Variants in MAST4 observed in about 807,000 individuals in gnomAD.
MAST4 encodes the protein microtubule-associated serine/threonine-protein kinase 4.
In MAST4, 89 loss-of-function variants were observed where a neutral mutation model predicts 162.7. That is an observed-to-expected ratio of 0.55 (90% confidence interval 0.46 to 0.65). MAST4 has a LOEUF of 0.65. MAST4 is among the 30% of genes least tolerant of loss of function. The probability of loss-of-function intolerance (pLI) is 0.00; values close to 1 mark genes in which losing one functional copy is unlikely to be tolerated. For missense variants in MAST4, 3,153 were observed against 3,374.0 expected (o/e 0.93, Z 1.62); for synonymous variants, 1,479 against 1,361.1 (o/e 1.09, Z -1.91).
At chr5:66,973,453 G>T (rs555881741) in intron 4 of MAST4, among the ~76,000 whole-genome samples, 1 of 152,212 alleles carries the variant, frequency 6.6e-6, no homozygotes, top group Admixed American at 6.5e-5. Flanking sequence ...CAGTTTATCT[G>T]ATGGCTTTGT....
At chr5:66,995,000 T>C (rs1750472769) in intron 4 of MAST4, among the ~76,000 whole-genome samples, 1 of 152,150 alleles carries the variant, frequency 6.6e-6, no homozygotes, top group African/African-American at 2.4e-5. Flanking sequence ...TAATGACACA[T>C]ATATTCAAAC....
At chr5:66,918,203 G>A (rs1764243791) in intron 4 of MAST4, among the ~76,000 whole-genome samples, 1 of 152,068 alleles carries the variant, frequency 6.6e-6, no homozygotes, top group Admixed American at 6.5e-5. Flanking sequence ...AAAGCTTAAG[G>A]GGTTAAAGTT....
intron 4 of MAST4, among the ~76,000 whole-genome samples, chr5:67,042,981 T>C (rs1048983099): frequency 2.0e-5 from 3 of 152,218 alleles, no homozygotes; most frequent in African/African-American, 7.2e-5. Context: ...AAAAGCCAAA[T>C]GCTGTAGAGC....
chr5:67,061,011 A>T (rs184226495), intron 5 of MAST4, among the ~76,000 whole-genome samples: 1 of 152,322 alleles, frequency 6.6e-6, no homozygotes, highest in Non-Finnish European at 1.5e-5. Context: ...TAAAAGTGTG[A>T]GTTTCTGATT....
intron 5 of MAST4, among the ~76,000 whole-genome samples, chr5:67,063,533 T>C (rs536830927): frequency 6.6e-6 from 1 of 152,200 alleles, no homozygotes; most frequent in African/African-American, 2.4e-5. Flanking sequence ...GATTTAGATT[T>C]TTATTCTCTC....
intron 1 of MAST4, among the ~76,000 whole-genome samples, chr5:66,651,215 G>C (rs1181826414): frequency 6.6e-6 from 1 of 151,784 alleles, no homozygotes; most frequent in Non-Finnish European, 1.5e-5. Flanking sequence ...CTCATACAGT[G>C]TAATAGCTGC....
chr5:66,917,007 C>G, intron 4 of MAST4: 1 of 718,066 alleles, frequency 1.4e-6, no homozygotes, highest in African/African-American at 1.7e-5. Context: ...AGTGGAATTG[C>G]TTGGTCAAAC....
chr5:66,770,466 A>G (rs966223833), intron 2 of MAST4, among the ~76,000 whole-genome samples: 18 of 152,250 alleles, frequency 1.2e-4, no homozygotes, highest in Admixed American at 9.2e-4. Context: ...TCTACCGATG[A>G]GTCATTGCCC....
At chr5:66,714,142 C>T (rs377476636) in intron 1 of MAST4, among the ~76,000 whole-genome samples, 2 of 152,244 alleles carry the variant, frequency 1.3e-5, no homozygotes, top group African/African-American at 4.8e-5. Context: ...TAAACTGCCT[C>T]TCTCTGGCTA....
At chr5:67,116,180 TTTTGTTTGTTTG>T (rs57544655) in intron 12 of MAST4, among the ~76,000 whole-genome samples, 1 of 150,644 alleles carries the variant, frequency 6.6e-6, no homozygotes, top group Non-Finnish European at 1.5e-5. Context: ...CTAAGGCTAG[TTTTGTTTGTTTG>T]TTTGTTTGTT....
intron 1 of MAST4, among the ~76,000 whole-genome samples, chr5:66,682,574 G>T (rs1720556796): frequency 6.6e-6 from 1 of 152,186 alleles, no homozygotes; most frequent in Non-Finnish European, 1.5e-5. Context: ...CCTTAGAACT[G>T]TTATGTTAGA....
At chr5:66,637,736 T>C (rs546434906) in intron 1 of MAST4, among the ~76,000 whole-genome samples, 21 of 152,254 alleles carry the variant, frequency 1.4e-4, no homozygotes, top group African/African-American at 4.8e-4. Flanking sequence ...GACAGGGTCT[T>C]ACTCTGCCTC....
intron 4 of MAST4, among the ~76,000 whole-genome samples, chr5:66,964,547 A>T (rs1352005234): frequency 6.6e-6 from 1 of 152,022 alleles, no homozygotes; most frequent in African/African-American, 2.4e-5. Context: ...CATGCCTGTA[A>T]TCCCAGCACT....
chr5:67,133,468 C>A (rs761267102), intron 16 of MAST4, 46 bp from the exon 17 acceptor site: 2 of 1,592,614 alleles, frequency 1.3e-6, no homozygotes, highest in Non-Finnish European at 1.7e-6. Context: ...AATAGATAAC[C>A]AGCTTATAAA....
intron 1 of MAST4, among the ~76,000 whole-genome samples, chr5:66,646,264 G>A (rs1381629644): frequency 6.6e-6 from 1 of 152,048 alleles, no homozygotes; most frequent in Non-Finnish European, 1.5e-5. Context: ...ATGTTTTATG[G>A]TAAATCATTT....
intron 1 of MAST4, among the ~76,000 whole-genome samples, chr5:66,648,493 G>A (rs758699112): frequency 2.6e-4 from 40 of 152,108 alleles, no homozygotes; most frequent in Non-Finnish European, 5.0e-4. Flanking sequence ...AGCAGAGAAA[G>A]ACAGTAATGG....
rs566331055 is a variant in MAST4, at chr5:66,664,362, G to T, written c.363+67344G>T. Among the ~76,000 whole-genome samples, 9 of 149,452 alleles carry T rather than the reference G, an allele frequency of 6.0e-5. No homozygotes were observed. In the East Asian group the frequency reaches 1.4e-3, roughly 23 times the overall value. ...AGGTAGGAGAATCGCTTGAACCCGG[G>T]CGACGGAGGTTGCAGTGAGCTGAGA... On this transcript the variant is annotated intron_variant, in intron 1 of 28. Transcript: ENST00000403625.
chr5:67,163,255 G>A lies in MAST4; in HGVS notation c.4076G>A (p.Gly1359Asp). 6.2e-7 allele frequency: 1 copy of A among 1,613,544 alleles called. No individual in the cohort carries two copies. Among genetic ancestry groups the A allele is most frequent in the Non-Finnish European group, 8.5e-7 (1 of 1,179,888 alleles). The change falls in exon 29 of 29, where the codon GGC becomes GAC. Residue 1359 changes from glycine (G) to aspartate (D), a missense_variant. Physicochemically the swap from Gly to Asp is moderately conservative, Grantham distance 94. Transcript: ENST00000403625. This position sits in a 1 kb window ranked among gnomAD's most constrained non-coding sequence, Gnocchi z 7.0. ...STLHGLAPKL[G>D]GQRYRSGRRK... is the part of the protein sequence containing the mutation. Reference sequence around the variant, plus strand: ...CTCCACGGTCTTGCACCCAAACTCGGCGGGCAGCGGTACCGGTCCGGAAGG... The same window carrying A: ...CTCCACGGTCTTGCACCCAAACTCGACGGGCAGCGGTACCGGTCCGGAAGG...
At position 66,996,351 on chromosome 5, in the gene MAST4, CTT is replaced by C. The variant is rs547524662; in HGVS notation, c.675-58052_675-58051del. ...TCGTATATAACCATATATATAATAT[CTT>C]AATGTAGATCATAGAACTTCATTTT... On this transcript the variant is annotated intron_variant, in intron 4 of 28. Coordinates refer to ENST00000403625, the MANE Select transcript of MAST4 (RefSeq NM_001164664.2). Among the ~76,000 whole-genome samples, 35 of 152,132 alleles carry C rather than the reference CTT, an allele frequency of 2.3e-4. No individual in the cohort carries two copies. In the South Asian group the frequency reaches 7.3e-3, roughly 32 times the overall value.
Sources: gnomAD v4.1 joint callset for allele counts (sites outside exome capture counted in the v4.1 genomes callset) on GRCh38, gnomAD v4.1.1 for gene constraint, Gnocchi (gnomAD v3.1) non-coding constraint, MANE v1.5 for transcripts, NCBI Gene and HGNC (gene_info 2026-07-23, HGNC 2026-07-21) for gene names.